Variants in TRPC5 observed in about 807,000 individuals in gnomAD.
TRPC5 encodes short transient receptor potential channel 5.
A neutral mutation model predicts 56.5 loss-of-function variants in TRPC5; 9 were observed. The ratio of observed to expected loss-of-function variants is 0.16; its 90% CI spans 0.10 to 0.28. The LOEUF (loss-of-function observed/expected upper bound fraction) is 0.28, where lower values mean the gene tolerates loss of function less well. Ranked by LOEUF, TRPC5 falls within the 10% of genes least tolerant of loss-of-function variation. TRPC5 has a pLI of 1.00. For missense variants in TRPC5, 469 were observed against 748.9 expected, an observed-to-expected ratio of 0.63 and a Z score of 4.36; for synonymous variants, 282 against 278.5, an observed-to-expected ratio of 1.01 and a Z score of -0.13.
chrX:111,861,191 G>A (rs188765509), intron 3 of TRPC5, among the ~76,000 whole-genome samples: 1 of 112,035 alleles, frequency 8.9e-6, no homozygotes, highest in East Asian at 2.8e-4. Flanking sequence ...TAACCAGTTT[G>A]ACCATGAAGT....
At chrX:111,835,253 C>G (rs953915312) in intron 6 of TRPC5, 137 bp from the exon 7 acceptor site, 5 of 511,995 alleles carry the variant, frequency 9.8e-6, no homozygotes, top group Non-Finnish European at 1.3e-5. Context: ...ATATTTTGGG[C>G]TCTTCCCTAA....
intron 1 of TRPC5, among the ~76,000 whole-genome samples, chrX:112,075,857 AG>A (rs1348722373): frequency 1.8e-5 from 2 of 112,064 alleles, no homozygotes; most frequent in African/African-American, 6.5e-5. Flanking sequence ...TGTAACATCA[AG>A]GAAGTGAATT....
In TRPC5 at chrX:112,020,140, G is replaced by T. The variant is rs770112147; in HGVS notation, c.-22+61739C>A. 2.7e-5 allele frequency among the ~76,000 whole-genome samples: 3 copies of T among 111,095 alleles called. No individual in the cohort carries two copies. The South Asian group carries it at 1.2e-3, about 43-fold the overall frequency. Reference sequence around the variant, plus strand: ...ACTCCTGGGCTCAAGCAATCCTCCTGCCTTGGCCTCCTAAACTGCTGGGAT... The same window carrying T: ...ACTCCTGGGCTCAAGCAATCCTCCTTCCTTGGCCTCCTAAACTGCTGGGAT... On this transcript the variant is annotated intron_variant, in intron 1 of 10. Coordinates refer to ENST00000262839, the MANE Select transcript of TRPC5 (RefSeq NM_012471.3).
intron 1 of TRPC5, among the ~76,000 whole-genome samples, chrX:111,958,250 C>A (rs1462228628): frequency 1.8e-5 from 2 of 112,016 alleles, no homozygotes; most frequent in Admixed American, 9.5e-5. Flanking sequence ...CGCTTTCAAG[C>A]CCCACACATG....
intron 1 of TRPC5, among the ~76,000 whole-genome samples, chrX:112,053,909 A>C (rs1184533704): frequency 8.9e-6 from 1 of 111,858 alleles, no homozygotes; most frequent in Non-Finnish European, 1.9e-5. Context: ...CATATATTGA[A>C]TTAGCTCACA....
At chrX:111,846,422 G>C (rs1922928340) in intron 6 of TRPC5, among the ~76,000 whole-genome samples, 1 of 111,740 alleles carries the variant, frequency 8.9e-6, no homozygotes, top group Non-Finnish European at 1.9e-5. Flanking sequence ...CGTTCTGAAG[G>C]CTTGAAGGTC....
chrX:111,833,892 C>G (rs1922487466), intron 7 of TRPC5, among the ~76,000 whole-genome samples: 1 of 111,354 alleles, frequency 9.0e-6, no homozygotes, highest in South Asian at 3.8e-4. Flanking sequence ...GAAAACAAGA[C>G]GTGGGTTTAT....
At chrX:111,884,840 A>C (rs961439627) in intron 3 of TRPC5, among the ~76,000 whole-genome samples, 4 of 112,883 alleles carry the variant, frequency 3.5e-5, no homozygotes, top group African/African-American at 1.3e-4. Context: ...GAGGAGACAT[A>C]GAGTTTAGTT....
intron 1 of TRPC5, among the ~76,000 whole-genome samples, chrX:111,968,773 A>T (rs1368537853): frequency 1.1e-5 from 1 of 93,458 alleles, no homozygotes; most frequent in Non-Finnish European, 2.1e-5. Context: ...GGAACTGAAC[A>T]ATGAGAACAC....
intron 2 of TRPC5, among the ~76,000 whole-genome samples, chrX:111,929,969 G>A (rs183717435): frequency 8.9e-6 from 1 of 111,780 alleles, no homozygotes; most frequent in Non-Finnish European, 1.9e-5. Flanking sequence ...CCTCCTAACA[G>A]ATACAGTAAC....
At chrX:111,980,183 A>C (rs1928040961) in intron 1 of TRPC5, among the ~76,000 whole-genome samples, 1 of 111,861 alleles carries the variant, frequency 8.9e-6, no homozygotes, top group Non-Finnish European at 1.9e-5. Context: ...AATATTGATA[A>C]ATTTCAAAAT....
intron 1 of TRPC5, among the ~76,000 whole-genome samples, chrX:112,072,434 A>G (rs1930738089): frequency 9.0e-6 from 1 of 111,595 alleles, no homozygotes; most frequent in Non-Finnish European, 1.9e-5. Context: ...TACAGCTCAG[A>G]CTTCTATTTT....
chrX:111,974,372 T>G (rs1156366531), intron 1 of TRPC5, among the ~76,000 whole-genome samples: 1 of 110,449 alleles, frequency 9.1e-6, no homozygotes, highest in African/African-American at 3.3e-5. Flanking sequence ...ACCCCAAATA[T>G]CTGCACAGGG....
At chrX:111,938,609 T>G (rs1373149346) in intron 2 of TRPC5, among the ~76,000 whole-genome samples, 2 of 111,332 alleles carry the variant, frequency 1.8e-5, no homozygotes, top group African/African-American at 6.6e-5. Context: ...GATAATCATG[T>G]GGTTTTTGTC....
In TRPC5 at chrX:111,824,721, C is replaced by T. The variant is rs3027740; in HGVS notation, c.1896+10200G>A. Among the ~76,000 whole-genome samples the T allele has an allele frequency of 9.9e-3, 1,100 of 111,470 alleles. 13 individuals carry two copies. Among genetic ancestry groups the T allele is most frequent in the African/African-American group, 0.034 (1,047 of 30,598 alleles). On this transcript the variant is annotated intron_variant, in intron 7 of 10. Transcript: ENST00000262839. ...ATGATTTTTCTAAAGGTAGGCTCTG[C>T]ACTTTGTCATGCAGTTCCTAAAGAT...
chrX:112,076,359 G>A (rs1224713913), intron 1 of TRPC5, among the ~76,000 whole-genome samples: 1 of 111,167 alleles, frequency 9.0e-6, no homozygotes, highest in African/African-American at 3.3e-5. Context: ...GACTTTATGA[G>A]TACTACGTGT....
intron 1 of TRPC5, among the ~76,000 whole-genome samples, chrX:112,035,108 G>A (rs1322652627): frequency 2.0e-5 from 2 of 102,404 alleles, no homozygotes; most frequent in Non-Finnish European, 2.0e-5. Context: ...AAAAATGTAA[G>A]AGCTTAGAGC....
At chrX:112,052,748 T>C (rs1372657084) in intron 1 of TRPC5, among the ~76,000 whole-genome samples, 1 of 111,972 alleles carries the variant, frequency 8.9e-6, no homozygotes, top group African/African-American at 3.2e-5. Flanking sequence ...CTTTTAACTC[T>C]TATATTTAGG....
chrX:111,890,911 C>T lies in TRPC5; in HGVS notation c.900+21380G>A, dbSNP rs981487717. 2.7e-5 allele frequency among the ~76,000 whole-genome samples: 3 copies of T among 110,972 alleles called. No homozygotes were observed. In the Admixed American group the frequency reaches 2.9e-4, roughly 11 times the overall value. On this transcript the variant is annotated intron_variant, in intron 3 of 10. Coordinates refer to ENST00000262839, the MANE Select transcript of TRPC5 (RefSeq NM_012471.3). ...ATAGGCCCCAGTGTGTGTTGTTCTC[C>T]TTTATGTGTCCATGTGTTTTCACCA...
Sources: allele counts gnomAD v4.1 joint callset (sites outside exome capture counted in the v4.1 genomes callset), GRCh38; gene constraint gnomAD v4.1.1; transcripts MANE v1.5; gene names NCBI Gene and HGNC (gene_info 2026-07-23, HGNC 2026-07-21).